Variants in IMMP2L observed in about 807,000 individuals in gnomAD.
IMMP2L encodes inner mitochondrial membrane peptidase subunit 2.
IMMP2L carries 18 observed loss-of-function variants against 19.3 expected under a neutral mutation model. That is an observed-to-expected ratio of 0.93 (90% CI 0.64 to 1.38). The LOEUF is 1.38. IMMP2L is among the 40% of genes most tolerant of loss of function. The pLI is 0.00. For synonymous variants in IMMP2L, 76 were observed against 73.0 expected, an observed-to-expected ratio of 1.04 and a Z score of -0.21; for missense variants, 233 against 218.2, an observed-to-expected ratio of 1.07 and a Z score of -0.43.
intron 3 of IMMP2L, among the ~76,000 whole-genome samples, chr7:111,183,633 A>G (rs947237813): frequency 6.6e-6 from 1 of 152,062 alleles, no homozygotes; most frequent in African/African-American, 2.4e-5. Context: ...TACAGTCAGA[A>G]GTTGGGTTGG....
At chr7:111,421,843 T>A (rs1001733061) in intron 3 of IMMP2L, among the ~76,000 whole-genome samples, 3 of 151,892 alleles carry the variant, frequency 2.0e-5, no homozygotes, top group Non-Finnish European at 4.4e-5. Flanking sequence ...CTAGGGTTTT[T>A]ATGGTTTTAG....
intron 5 of IMMP2L, 94 bp downstream of exon 5, chr7:110,886,499 T>A: frequency 1.4e-6 from 1 of 726,714 alleles, no homozygotes; most frequent in Non-Finnish European, 2.5e-6. Flanking sequence ...TCATGATCAG[T>A]CTTGGCTGAG....
intron 3 of IMMP2L, among the ~76,000 whole-genome samples, chr7:111,023,525 C>T (rs555414794): frequency 3.6e-4 from 52 of 145,820 alleles, no homozygotes; most frequent in Admixed American, 9.8e-4. Flanking sequence ...AATCGTGAAA[C>T]CCTGTCTACT....
chr7:111,265,829 A>G (rs1817772202), intron 3 of IMMP2L, among the ~76,000 whole-genome samples: 1 of 152,192 alleles, frequency 6.6e-6, no homozygotes, highest in Non-Finnish European at 1.5e-5. Context: ...TGTGGTCAAG[A>G]AAAGAAGGGG....
chr7:110,809,894 C>G (rs1414263668), intron 5 of IMMP2L, among the ~76,000 whole-genome samples: 2 of 152,038 alleles, frequency 1.3e-5, no homozygotes, highest in Non-Finnish European at 2.9e-5. Flanking sequence ...TTTGCCACTG[C>G]TCACCCTTTC....
intron 3 of IMMP2L, among the ~76,000 whole-genome samples, chr7:111,188,277 C>T (rs1292322757): frequency 6.6e-6 from 1 of 152,100 alleles, no homozygotes; most frequent in Non-Finnish European, 1.5e-5. Context: ...TAACAAAGTG[C>T]CATAAATTGG....
chr7:111,389,571 G>A (rs1832129490), intron 3 of IMMP2L, among the ~76,000 whole-genome samples: 1 of 151,942 alleles, frequency 6.6e-6, no homozygotes, highest in Non-Finnish European at 1.5e-5. Flanking sequence ...ATGTGTAATG[G>A]TAAGAGGAGA....
chr7:111,125,122 A>G (rs1801157753), intron 3 of IMMP2L: 1 of 432,102 alleles, frequency 2.3e-6, no homozygotes, highest in East Asian at 3.8e-5. Context: ...GTGGCAACCA[A>G]ATAAAATAAC....
chr7:110,872,563 A>G (rs1808640317), intron 5 of IMMP2L, among the ~76,000 whole-genome samples: 1 of 152,142 alleles, frequency 6.6e-6, no homozygotes, highest in Non-Finnish European at 1.5e-5. Flanking sequence ...TAATTTTTCT[A>G]TAACGCTGCC....
chr7:111,505,212 C>A (rs1408942215), intron 2 of IMMP2L, among the ~76,000 whole-genome samples: 2 of 151,496 alleles, frequency 1.3e-5, no homozygotes, highest in African/African-American at 4.9e-5. Context: ...AGCCAAAAAA[C>A]ACATGAAAAA....
At chr7:111,038,892 G>C (rs1404803789) in intron 3 of IMMP2L, among the ~76,000 whole-genome samples, 1 of 152,046 alleles carries the variant, frequency 6.6e-6, no homozygotes, top group Non-Finnish European at 1.5e-5. Context: ...TCAAACTTGG[G>C]GACGATAACT....
At chr7:111,062,924 C>T (rs1343192609) in intron 3 of IMMP2L, among the ~76,000 whole-genome samples, 1 of 152,230 alleles carries the variant, frequency 6.6e-6, no homozygotes, top group Non-Finnish European at 1.5e-5. Flanking sequence ...AATTGAGTGA[C>T]TGCGGCTTTT....
chr7:111,025,692 A>T (rs370801755), intron 3 of IMMP2L, among the ~76,000 whole-genome samples: 18 of 152,072 alleles, frequency 1.2e-4, no homozygotes, highest in Admixed American at 7.9e-4. Context: ...TTATTACTGT[A>T]CTCCCTGCAT....
chr7:111,038,471 G>T (rs1791565178), intron 3 of IMMP2L, among the ~76,000 whole-genome samples: 1 of 152,088 alleles, frequency 6.6e-6, no homozygotes, highest in Admixed American at 6.6e-5. Context: ...TAGGTTCAAA[G>T]ACCCTGAACT....
At chr7:111,549,297 C>G (rs1051993250) in intron 1 of IMMP2L, among the ~76,000 whole-genome samples, 1 of 152,154 alleles carries the variant, frequency 6.6e-6, no homozygotes, top group African/African-American at 2.4e-5. Context: ...TTACAAACAG[C>G]TTATGAAGTC....
intron 3 of IMMP2L, among the ~76,000 whole-genome samples, chr7:111,281,668 C>T (rs37751): frequency 0.54 from 82,045 of 151,938 alleles, 22,577 homozygotes; most frequent in South Asian, 0.71. Context: ...ATTACATCCA[C>T]GTTTATCAGA....
At chr7:110,699,020 G>A (rs1210213935) in intron 5 of IMMP2L, among the ~76,000 whole-genome samples, 1 of 152,170 alleles carries the variant, frequency 6.6e-6, no homozygotes, top group Non-Finnish European at 1.5e-5. Flanking sequence ...AACAGACTGT[G>A]GCAGTGAAAG....
intron 5 of IMMP2L, among the ~76,000 whole-genome samples, chr7:110,786,097 T>A (rs1800057049): frequency 6.6e-6 from 1 of 151,964 alleles, no homozygotes; most frequent in African/African-American, 2.4e-5. Flanking sequence ...TAACAATAAA[T>A]ATTATAAAGA....
chr7:111,192,391 A>C (rs1214799663), intron 3 of IMMP2L, among the ~76,000 whole-genome samples: 1 of 152,080 alleles, frequency 6.6e-6, no homozygotes, highest in Non-Finnish European at 1.5e-5. Context: ...AAAAAATTTT[A>C]TTTTTATTTC....
Sources: allele counts gnomAD v4.1 joint callset (sites outside exome capture counted in the v4.1 genomes callset), GRCh38; gene constraint gnomAD v4.1.1; transcripts MANE v1.5; gene names NCBI Gene and HGNC (gene_info 2026-07-23, HGNC 2026-07-21).